The following CAMKK2 variants were observed in gnomAD, a reference collection of about 807,000 sequenced individuals.
CAMKK2 encodes calcium/calmodulin dependent protein kinase kinase 2, also known as calcium/calmodulin-dependent protein kinase kinase 2.
CAMKK2 carries 30 observed loss-of-function variants against 67.2 expected under a neutral mutation model. The observed-to-expected ratio is 0.45, with a 90% CI of 0.33 to 0.61. The LOEUF (loss-of-function observed/expected upper bound fraction) is 0.61. Among genes scored for constraint, CAMKK2 ranks in the 20% least tolerant of loss-of-function variants. The probability of loss-of-function intolerance (pLI) is 0.02; values close to 1 mark genes in which losing one functional copy is unlikely to be tolerated. For synonymous variants in CAMKK2, 322 were observed against 326.2 expected (o/e 0.99, Z 0.14); for missense variants, 643 against 802.0 (o/e 0.80, Z 2.39).
chr12:121,242,100 G>A (rs1321548331), intron 16 of CAMKK2, among the ~76,000 whole-genome samples: 1 of 152,224 alleles, frequency 6.6e-6, no homozygotes, highest in Non-Finnish European at 1.5e-5. Context: ...GGGAGGCTGA[G>A]GCAGGCAGAT....
intron 4 of CAMKK2, among the ~76,000 whole-genome samples, chr12:121,269,021 G>A (rs1000137137): frequency 1.3e-5 from 2 of 152,092 alleles, no homozygotes; most frequent in Non-Finnish European, 2.9e-5. Context: ...GCAAAGGAGG[G>A]GCAGGACTGG....
intron 14 of CAMKK2, among the ~76,000 whole-genome samples, chr12:121,246,701 A>G (rs1889545683): frequency 6.6e-6 from 1 of 152,034 alleles, no homozygotes; most frequent in Admixed American, 6.5e-5. Flanking sequence ...GTCAACCCAG[A>G]GCAGGAGCTC....
chr12:121,295,180 A>T (rs1173740067), intron 1 of CAMKK2, among the ~76,000 whole-genome samples: 1 of 152,176 alleles, frequency 6.6e-6, no homozygotes, highest in Non-Finnish European at 1.5e-5. Flanking sequence ...TAAATAAATA[A>T]GTATTCTTAT....
chr12:121,272,588 C>T (rs1422661228), intron 2 of CAMKK2, among the ~76,000 whole-genome samples: 2 of 151,782 alleles, frequency 1.3e-5, no homozygotes, highest in African/African-American at 2.4e-5. Flanking sequence ...TTTGGCAGTG[C>T]ACAGTGGCTC....
chr12:121,241,183 C>T (rs1001731281), intron 16 of CAMKK2, among the ~76,000 whole-genome samples: 5 of 152,118 alleles, frequency 3.3e-5, no homozygotes, highest in Non-Finnish European at 2.9e-5. Context: ...GTAGAAGGCA[C>T]CCCCCACCCC....
intron 9 of CAMKK2, among the ~76,000 whole-genome samples, chr12:121,255,304 T>TATATATAATTATATATATATAATTA (rs1891870229): frequency 1.7e-4 from 1 of 6,008 alleles, no homozygotes; most frequent in African/African-American, 6.2e-4. Flanking sequence ...ATATATAATT[T>TATATATAATTATATATATATAATTA]TATATATAAT....
rs769443925 is a variant in CAMKK2, at chr12:121,270,962, G to C, written c.472-17C>G. The C allele has an allele frequency of 2.5e-6, 4 of 1,610,774 alleles. No individual in the cohort carries two copies. In the South Asian group the frequency reaches 3.3e-5, roughly 13 times the overall value. Reference sequence around the variant, plus strand: ...CACACAGTCCTAGAGAGTAAGGAGAGACACGTGCAAAATGAATTTTAAGTT... The same window carrying C: ...CACACAGTCCTAGAGAGTAAGGAGACACACGTGCAAAATGAATTTTAAGTT... On this transcript the variant is annotated splice_polypyrimidine_tract_variant and intron_variant, in intron 2 of 16. Coordinates refer to ENST00000404169, the MANE Select transcript of CAMKK2 (RefSeq NM_001270485.2).
chr12:121,287,402 G>C (rs1593501393), intron 1 of CAMKK2, among the ~76,000 whole-genome samples: 1 of 152,096 alleles, frequency 6.6e-6, no homozygotes, highest in African/African-American at 2.4e-5. Flanking sequence ...CAGCGCAACA[G>C]AGGCTGCAGA....
intron 1 of CAMKK2, among the ~76,000 whole-genome samples, chr12:121,276,593 TAC>T (rs1896854662): frequency 1.3e-5 from 2 of 152,156 alleles, no homozygotes; most frequent in Admixed American, 1.3e-4. Flanking sequence ...ATGTCACAGG[TAC>T]CACTGGAATT....
intron 6 of CAMKK2, among the ~76,000 whole-genome samples, chr12:121,261,861 C>T (rs1893525081): frequency 6.6e-6 from 1 of 152,192 alleles, no homozygotes; most frequent in African/African-American, 2.4e-5. Flanking sequence ...GAGCTGGCTG[C>T]CCCCGCTTTG....
At chr12:121,256,240 G>A (rs748977446) in intron 7 of CAMKK2, among the ~76,000 whole-genome samples, 4 of 152,162 alleles carry the variant, frequency 2.6e-5, no homozygotes, top group African/African-American at 4.8e-5. Flanking sequence ...TCAGCCGGGC[G>A]TGGTGGCAGG....
chr12:121,279,040 T>C (rs1293029659), intron 1 of CAMKK2, among the ~76,000 whole-genome samples: 1 of 152,172 alleles, frequency 6.6e-6, no homozygotes. Flanking sequence ...GGAAAGTCAA[T>C]GGAGATTTGT....
chr12:121,291,292 A>G (rs1007194783), intron 1 of CAMKK2, among the ~76,000 whole-genome samples: 2 of 152,204 alleles, frequency 1.3e-5, no homozygotes, highest in African/African-American at 4.8e-5. Context: ...TTATGCCAAG[A>G]AGTTCATTAA....
intron 1 of CAMKK2, among the ~76,000 whole-genome samples, chr12:121,278,024 C>T (rs1353363455): frequency 6.6e-6 from 1 of 152,026 alleles, no homozygotes; most frequent in Non-Finnish European, 1.5e-5. Context: ...TAACCATGAT[C>T]GGAGTTATGA....
rs1888201411 is a variant in CAMKK2 at position 121,240,721 on chromosome 12, T to TCCGG, written c.1741_1744dup (p.Glu582AlafsTer33). Reference sequence around the variant, plus strand: ...CAGCTACTCGGGCTCCATGGCCTCCTCCGGCCGCAGTGGATGCATGCGTGC... The same window carrying TCCGG: ...CAGCTACTCGGGCTCCATGGCCTCCTCCGGCCGGCCGCAGTGGATGCATGCGTGC... On this transcript the variant is annotated frameshift_variant, in exon 17 of 17. Coordinates refer to ENST00000404169, the MANE Select transcript of CAMKK2 (RefSeq NM_001270485.2). LOFTEE classifies it high-confidence loss of function. This position sits in a 1 kb window ranked among gnomAD's most constrained non-coding sequence, Gnocchi z 4.4. 1 of 1,606,446 alleles carries TCCGG rather than the reference T, an allele frequency of 6.2e-7. No individual in the cohort carries two copies.
Position 121,248,820 on chromosome 12 carries a change from A to G in CAMKK2, c.1324-86T>C, listed in dbSNP as rs1393775983. On this transcript the variant is annotated intron_variant, in intron 13 of 16. Transcript: ENST00000404169. ...AGCGAGCGGAGCCACAAGGGCATGC[A>G]GGACGGAGAGGCAAGGGCCTGTGGT... 3 of 1,511,654 alleles carry G rather than the reference A, an allele frequency of 2.0e-6. No homozygotes were observed. In the African/African-American group the frequency reaches 4.1e-5, roughly 21 times the overall value. The allele number at this position is 1,511,654 out of a possible 1,614,324, so 93.6% of individuals were successfully genotyped here. A position where few individuals can be genotyped will look rare whatever the true frequency, so the allele number is the denominator to read the frequency against.
chr12:121,276,579 A>G (rs1896851026), intron 1 of CAMKK2, among the ~76,000 whole-genome samples: 2 of 152,202 alleles, frequency 1.3e-5, no homozygotes, highest in African/African-American at 2.4e-5. Context: ...ATTCTGCTGG[A>G]CAAATGTCAC....
intron 7 of CAMKK2, among the ~76,000 whole-genome samples, chr12:121,257,504 T>C (rs1014476120): frequency 6.6e-6 from 1 of 152,152 alleles, no homozygotes; most frequent in Non-Finnish European, 1.5e-5. Flanking sequence ...CACCTCGGCC[T>C]CCCAAAGTGC....
rs1891870229 is a variant in CAMKK2, at chr12:121,255,304, T to TATATATATATAATTA, written c.907+245_907+246insTAATTATATATATAT. Among the ~76,000 whole-genome samples the TATATATATATAATTA allele has an allele frequency of 1.3e-3, 8 of 6,000 alleles. 1 individual carries two copies. The highest frequency in any genetic ancestry group is 9.6e-3 in the East Asian group (1 of 104). 3.9% of individuals were successfully genotyped at this position (6,000 alleles called of 152,430 possible). ...TATATATATAATTATATATATAATTTTATATATAATTTTATATATATATAA... is the reference window on the plus strand; with the variant it reads ...TATATATATAATTATATATATAATTTATATATATATAATTATATATATAATTTTATATATATATAA... On this transcript the variant is annotated intron_variant, in intron 9 of 16. Coordinates refer to ENST00000404169, the MANE Select transcript of CAMKK2 (RefSeq NM_001270485.2).
Sources: gnomAD v4.1 joint callset for allele counts (sites outside exome capture counted in the v4.1 genomes callset) on GRCh38, gnomAD v4.1.1 for gene constraint, Gnocchi (gnomAD v3.1) non-coding constraint, MANE v1.5 for transcripts, NCBI Gene and HGNC (gene_info 2026-07-23, HGNC 2026-07-21) for gene names.